NHSL1: variants seen among roughly 807,000 people sequenced by gnomAD.
NHSL1 encodes the protein NHS like 1, also known as NHS-like protein 1.
A neutral mutation model predicts 95.0 loss-of-function variants in NHSL1; 48 were observed. The ratio of observed to expected loss-of-function variants is 0.51; its 90% CI spans 0.40 to 0.64. The LOEUF (loss-of-function observed/expected upper bound fraction) is 0.64, where lower values mean the gene tolerates loss of function less well. Ranked by LOEUF, NHSL1 falls within the 30% of genes least tolerant of loss-of-function variation. NHSL1 has a pLI of 0.00. For missense variants in NHSL1, 1,971 were observed against 2,077.7 expected (o/e 0.95, Z 1.00); for synonymous variants, 783 against 833.9 (o/e 0.94, Z 1.05).
chr6:138,463,945 T>C (rs1778171158), intron 3 of NHSL1, among the ~76,000 whole-genome samples: 1 of 152,218 alleles, frequency 6.6e-6, no homozygotes, highest in South Asian at 2.1e-4. Flanking sequence ...TGCTTGTTTG[T>C]TCACCATGAT....
intron 3 of NHSL1, among the ~76,000 whole-genome samples, chr6:138,468,493 G>A (rs1032463440): frequency 2.0e-5 from 3 of 152,148 alleles, no homozygotes; most frequent in Non-Finnish European, 2.9e-5. Flanking sequence ...TCAGATCAGC[G>A]GCAGCATTAG....
rs1776629944 is a variant in NHSL1, at chr6:138,443,046, CATATATACACACACACATATAT to C, written c.533-954_533-933del. Among the ~76,000 whole-genome samples, 6 of 147,216 alleles carry C rather than the reference CATATATACACACACACATATAT, an allele frequency of 4.1e-5. No homozygotes were observed. In the South Asian group the frequency reaches 8.3e-4, roughly 20 times the overall value. ...ACATATATATATACACATATATATA[CATATATACACACACACATATAT>C]ATATATACACACACACACATTAAAA... On this transcript the variant is annotated intron_variant, in intron 4 of 7. Transcript: ENST00000343505.
At chr6:138,529,095 G>C (rs1259590303) in intron 1 of NHSL1, among the ~76,000 whole-genome samples, 4 of 152,260 alleles carry the variant, frequency 2.6e-5, no homozygotes, top group Non-Finnish European at 5.9e-5. Context: ...GCATATAATA[G>C]CATAAGATTC....
At chr6:138,524,045 GGAA>G (rs1781800766) in intron 1 of NHSL1, among the ~76,000 whole-genome samples, 1 of 152,150 alleles carries the variant, frequency 6.6e-6, no homozygotes, top group African/African-American at 2.4e-5. Context: ...AGACTGAGTA[GGAA>G]GCTAAGTAAT....
At chr6:138,624,611 A>T (rs1583454843) in intron 1 of NHSL1, among the ~76,000 whole-genome samples, 1 of 152,166 alleles carries the variant, frequency 6.6e-6, no homozygotes, top group East Asian at 1.9e-4. Context: ...GACAATTAAG[A>T]TCTCTCAGAA....
At chr6:138,456,243 C>T (rs1051396392) in intron 3 of NHSL1, among the ~76,000 whole-genome samples, 2 of 152,146 alleles carry the variant, frequency 1.3e-5, no homozygotes, top group Non-Finnish European at 2.9e-5. Context: ...AGTTGAGGAA[C>T]CTGAACCTCA....
chr6:138,430,856 G>A lies in NHSL1; in HGVS notation c.3489C>T (p.Ser1163=). ...CCTCCCCAGCGCTTGGAGCTCCAGG[G>A]CTGCGGCTCACAGGGCCACCACGCT... ...AAERGGPVSR[S]PGAPSAGEAE... Residue 1163 remains serine, a synonymous_variant, in exon 6 of 8, where the codon AGC becomes AGT. Transcript: ENST00000343505. This position sits in a 1 kb window ranked among gnomAD's most constrained non-coding sequence, Gnocchi z 4.7. 1 of 1,551,054 alleles carries A rather than the reference G, an allele frequency of 6.4e-7. No homozygotes were observed.
intron 1 of NHSL1, among the ~76,000 whole-genome samples, chr6:138,594,614 T>A (rs1238136824): frequency 6.6e-6 from 1 of 151,954 alleles, no homozygotes; most frequent in Non-Finnish European, 1.5e-5. Flanking sequence ...CGATCCCCAA[T>A]AAGCAGCACC....
chr6:138,469,783 T>A (rs1347984193), intron 3 of NHSL1, among the ~76,000 whole-genome samples: 4 of 151,350 alleles, frequency 2.6e-5, no homozygotes, highest in African/African-American at 9.7e-5. Flanking sequence ...AAAAACAGAG[T>A]GCTGCAATTA....
At chr6:138,649,701 G>A (rs1344356655) in intron 1 of NHSL1, among the ~76,000 whole-genome samples, 2 of 152,180 alleles carry the variant, frequency 1.3e-5, no homozygotes, top group South Asian at 2.1e-4. Flanking sequence ...AAAAAGAGTA[G>A]TGTTGAGAAA....
intron 1 of NHSL1, among the ~76,000 whole-genome samples, chr6:138,587,614 C>T (rs943048474): frequency 1.3e-5 from 2 of 151,682 alleles, no homozygotes; most frequent in African/African-American, 2.4e-5. Flanking sequence ...ATAGATAGAG[C>T]TGCCAAGTTA....
At chr6:138,436,340 C>T (rs1344218746) in intron 5 of NHSL1, among the ~76,000 whole-genome samples, 1 of 152,182 alleles carries the variant, frequency 6.6e-6, no homozygotes, top group Non-Finnish European at 1.5e-5. Context: ...AGCTTTATTG[C>T]TGATATGGAG....
At chr6:138,473,220 A>C (rs775616830) in intron 3 of NHSL1, 86 bp downstream of exon 3, 222 of 1,178,798 alleles carry the variant, frequency 1.9e-4, no homozygotes, top group Non-Finnish European at 2.3e-4. Context: ...TACAGGCTCA[A>C]TTTTGATTTT....
At chr6:138,565,788 A>AAAAT (rs1188816114) in intron 1 of NHSL1, among the ~76,000 whole-genome samples, 1 of 151,658 alleles carries the variant, frequency 6.6e-6, no homozygotes, top group Admixed American at 6.6e-5. Flanking sequence ...AAAATAAAAT[A>AAAAT]AAAAATTAGA....
At chr6:138,463,196 C>T (rs1348210260) in intron 3 of NHSL1, among the ~76,000 whole-genome samples, 4 of 152,194 alleles carry the variant, frequency 2.6e-5, no homozygotes, top group Non-Finnish European at 5.9e-5. Context: ...ATTGTCTTGT[C>T]TCTGTGCTTC....
chr6:138,464,150 T>G (rs1018701245), intron 3 of NHSL1: 2 of 590,984 alleles, frequency 3.4e-6, no homozygotes, highest in Non-Finnish European at 6.0e-6. Context: ...ACTCCGTTGT[T>G]TCTGATGGGA....
At chr6:138,584,250 T>C (rs916263653) in intron 1 of NHSL1, among the ~76,000 whole-genome samples, 1 of 152,282 alleles carries the variant, frequency 6.6e-6, no homozygotes, top group East Asian at 1.9e-4. Context: ...TGTAATTAAA[T>C]GAACACTTCA....
At chr6:138,483,452 G>T (rs1352404878) in intron 2 of NHSL1, among the ~76,000 whole-genome samples, 1 of 152,188 alleles carries the variant, frequency 6.6e-6, no homozygotes, top group Non-Finnish European at 1.5e-5. Context: ...TTTGTTTCAG[G>T]AAAAGCTTTA....
intron 3 of NHSL1, among the ~76,000 whole-genome samples, chr6:138,469,796 C>T (rs1294982785): frequency 6.6e-6 from 1 of 151,960 alleles, no homozygotes; most frequent in African/African-American, 2.4e-5. Flanking sequence ...TGCAATTAAT[C>T]GAATCATGAG....
Sources: gnomAD v4.1 joint callset for allele counts (sites outside exome capture counted in the v4.1 genomes callset) on GRCh38, gnomAD v4.1.1 for gene constraint, Gnocchi (gnomAD v3.1) non-coding constraint, MANE v1.5 for transcripts, NCBI Gene and HGNC (gene_info 2026-07-23, HGNC 2026-07-21) for gene names.